NAALADL2: variants seen among roughly 807,000 people sequenced by gnomAD.
NAALADL2 encodes inactive N-acetylated-alpha-linked acidic dipeptidase-like protein 2.
A neutral mutation model predicts 87.2 loss-of-function variants in NAALADL2; 76 were observed. The ratio of observed to expected loss-of-function variants is 0.87; its 90% CI spans 0.72 to 1.05. The LOEUF (loss-of-function observed/expected upper bound fraction) is 1.05, where lower values mean the gene tolerates loss of function less well. Among genes scored for constraint, NAALADL2 ranks in the 50% least tolerant of loss-of-function variants. The pLI is 0.00. For synonymous variants in NAALADL2, 354 were observed against 331.0 expected, an observed-to-expected ratio of 1.07 and a Z score of -0.75; for missense variants, 1,089 against 945.8, an observed-to-expected ratio of 1.15 and a Z score of -1.99.
chr3:175,070,104 T>C (rs928255808), intron 1 of NAALADL2, among the ~76,000 whole-genome samples: 2 of 150,730 alleles, frequency 1.3e-5, no homozygotes, highest in African/African-American at 4.9e-5. Context: ...ATGGCACATG[T>C]ATACATATGT....
intron 1 of NAALADL2, among the ~76,000 whole-genome samples, chr3:174,951,863 C>G (rs1441947943): frequency 6.6e-6 from 1 of 152,070 alleles, no homozygotes; most frequent in Non-Finnish European, 1.5e-5. Context: ...CTGTATTATT[C>G]AACATTGATT....
At chr3:174,809,163 C>T (rs1036166407) in intron 3 of NAALADL2, among the ~76,000 whole-genome samples, 1 of 151,932 alleles carries the variant, frequency 6.6e-6, no homozygotes, top group Non-Finnish European at 1.5e-5. Flanking sequence ...TATTGTAAAC[C>T]TGAAGCAGGT....
chr3:175,521,991 C>CT (rs896998195), intron 9 of NAALADL2, among the ~76,000 whole-genome samples: 11 of 152,088 alleles, frequency 7.2e-5, no homozygotes, highest in Non-Finnish European at 1.0e-4. Flanking sequence ...CATTTTTCTG[C>CT]TTTTTAACTA....
intron 1 of NAALADL2, among the ~76,000 whole-genome samples, chr3:174,860,065 G>A (rs1258316193): frequency 1.3e-5 from 2 of 151,994 alleles, no homozygotes; most frequent in Non-Finnish European, 2.9e-5. Context: ...TTAGAGGCTT[G>A]TTCACCGAAA....
intron 2 of NAALADL2, among the ~76,000 whole-genome samples, chr3:174,676,969 A>C (rs1005753280): frequency 6.6e-6 from 1 of 151,968 alleles, no homozygotes; most frequent in Non-Finnish European, 1.5e-5. Flanking sequence ...GAAAGTATTG[A>C]TTCATGACAC....
chr3:175,721,300 T>C (rs1239161428), intron 11 of NAALADL2, among the ~76,000 whole-genome samples: 1 of 151,944 alleles, frequency 6.6e-6, no homozygotes, highest in Admixed American at 6.6e-5. Context: ...GCTAATATAC[T>C]TCAAGAAGGA....
intron 11 of NAALADL2, among the ~76,000 whole-genome samples, chr3:175,702,382 A>G (rs1739113128): frequency 1.3e-5 from 2 of 152,166 alleles, no homozygotes; most frequent in Admixed American, 1.3e-4. Flanking sequence ...CCTAAAAATG[A>G]TAATTTTATT....
intron 4 of NAALADL2, among the ~76,000 whole-genome samples, chr3:175,320,776 A>C (rs1759752089): frequency 6.6e-6 from 1 of 152,064 alleles, no homozygotes; most frequent in African/African-American, 2.4e-5. Context: ...CTCTCCCAAG[A>C]CTAAACCAGG....
At chr3:175,556,171 C>T (rs969238874) in intron 9 of NAALADL2, among the ~76,000 whole-genome samples, 2 of 151,984 alleles carry the variant, frequency 1.3e-5, no homozygotes, top group East Asian at 3.9e-4. Flanking sequence ...GGCACACATT[C>T]ACTAAGAAAA....
chr3:174,645,865 T>G (rs1305122004), intron 2 of NAALADL2, among the ~76,000 whole-genome samples: 2 of 152,170 alleles, frequency 1.3e-5, no homozygotes, highest in Non-Finnish European at 2.9e-5. Context: ...AAATGGAGAT[T>G]ATTATATTTT....
intron 9 of NAALADL2, among the ~76,000 whole-genome samples, chr3:175,492,576 C>T (rs1347110640): frequency 1.3e-5 from 2 of 152,064 alleles, no homozygotes; most frequent in Admixed American, 6.6e-5. Flanking sequence ...GTACCCGGAG[C>T]GAAGCCTGTA....
chr3:175,751,276 C>A (rs957756501), intron 12 of NAALADL2, among the ~76,000 whole-genome samples: 5 of 151,878 alleles, frequency 3.3e-5, no homozygotes, highest in Non-Finnish European at 5.9e-5. Flanking sequence ...AAAAATGGCA[C>A]CCAATTTGCA....
intron 1 of NAALADL2, among the ~76,000 whole-genome samples, chr3:174,509,361 GGA>G (rs574875378): frequency 9.4e-5 from 14 of 148,644 alleles, no homozygotes; most frequent in Admixed American, 2.0e-4. Flanking sequence ...CATAGTGGGT[GGA>G]GAGAGAGAGA....
At chr3:175,493,529 G>A (rs906729865) in intron 9 of NAALADL2, among the ~76,000 whole-genome samples, 3 of 152,104 alleles carry the variant, frequency 2.0e-5, no homozygotes, top group East Asian at 3.8e-4. Context: ...AGCAACATAA[G>A]TTAATCATTT....
At chr3:175,704,589 A>T (rs554047676) in intron 11 of NAALADL2, among the ~76,000 whole-genome samples, 2 of 152,104 alleles carry the variant, frequency 1.3e-5, no homozygotes, top group Admixed American at 1.3e-4. Context: ...TCTTTGGTTC[A>T]TCTAAACCCC....
At chr3:175,061,215 A>G (rs1713411954) in intron 1 of NAALADL2, among the ~76,000 whole-genome samples, 1 of 152,236 alleles carries the variant, frequency 6.6e-6, no homozygotes, top group African/African-American at 2.4e-5. Flanking sequence ...CAATATTACC[A>G]ATGAGAAAAG....
At chr3:175,213,468 T>C (rs563755384) in intron 2 of NAALADL2, among the ~76,000 whole-genome samples, 1 of 152,236 alleles carries the variant, frequency 6.6e-6, no homozygotes, top group East Asian at 1.9e-4. Context: ...GAGATATTCA[T>C]GGGAAATTAG....
At chr3:175,651,831 C>A (rs1274072465) in intron 11 of NAALADL2, among the ~76,000 whole-genome samples, 1 of 152,160 alleles carries the variant, frequency 6.6e-6, no homozygotes, top group Non-Finnish European at 1.5e-5. Flanking sequence ...ACTGCACAAC[C>A]AATGTGTGCC....
At chr3:175,077,635 G>A (rs1716863569) in intron 1 of NAALADL2, among the ~76,000 whole-genome samples, 1 of 151,980 alleles carries the variant, frequency 6.6e-6, no homozygotes, top group Non-Finnish European at 1.5e-5. Flanking sequence ...AAGTATAAAG[G>A]CAATGCTATT....
Sources: gnomAD v4.1 joint callset for allele counts (sites outside exome capture counted in the v4.1 genomes callset) on GRCh38, gnomAD v4.1.1 for gene constraint, MANE v1.5 for transcripts, NCBI Gene and HGNC (gene_info 2026-07-23, HGNC 2026-07-21) for gene names.